Variants in NPR3 observed in about 807,000 individuals in gnomAD.
The protein encoded by NPR3 is atrial natriuretic peptide receptor 3.
Under a neutral mutation model 54.5 loss-of-function variants are expected in NPR3, and 34 were observed. The observed-to-expected ratio is 0.62, with a 90% CI of 0.47 to 0.83. The LOEUF (loss-of-function observed/expected upper bound fraction) is 0.83, where lower values mean the gene tolerates loss of function less well. Ranked by LOEUF, NPR3 falls within the 40% of genes least tolerant of loss-of-function variation. NPR3 has a pLI of 0.00. For synonymous variants in NPR3, 289 were observed against 297.1 expected (o/e 0.97, Z 0.28); for missense variants, 674 against 720.8 (o/e 0.94, Z 0.74).
At chr5:32,720,676 A>G (rs957126713) in intron 1 of NPR3, among the ~76,000 whole-genome samples, 1 of 152,188 alleles carries the variant, frequency 6.6e-6, no homozygotes, top group Non-Finnish European at 1.5e-5. Flanking sequence ...ATGCGACCCA[A>G]AATTAATATT....
At position 32,788,396 on chromosome 5, in the gene NPR3, C is replaced by G. The variant is rs1464192729; in HGVS notation, c.*2051C>G. The G allele has an allele frequency of 1.3e-5, 2 of 152,194 alleles. No homozygotes were observed. The highest frequency in any genetic ancestry group is 4.8e-5 in the African/African-American group (2 of 41,454). 9.4% of individuals were successfully genotyped at this position (152,194 alleles called of 1,614,324 possible). ...CTTGGGACTCCCCAAAGTGAAACAGCAAGGAAGGATTGTGTCCATCTTACT... is the reference window on the plus strand; with the variant it reads ...CTTGGGACTCCCCAAAGTGAAACAGGAAGGAAGGATTGTGTCCATCTTACT... On this transcript the variant is annotated 3_prime_UTR_variant, in exon 8 of 8. Coordinates refer to ENST00000265074, the MANE Select transcript of NPR3 (RefSeq NM_001204375.2).
At chr5:32,722,930 C>T (rs143586251) in intron 1 of NPR3, among the ~76,000 whole-genome samples, 178 of 152,228 alleles carry the variant, frequency 1.2e-3, no homozygotes, top group African/African-American at 4.1e-3. Context: ...AATATTTGTA[C>T]TGTTTTAAAA....
intron 2 of NPR3, among the ~76,000 whole-genome samples, chr5:32,732,089 A>T (rs1739485089): frequency 6.6e-6 from 1 of 151,408 alleles, no homozygotes; most frequent in African/African-American, 2.4e-5. Context: ...AAAATACAGA[A>T]AATTAGCCGG....
At chr5:32,735,308 C>T (rs576168411) in intron 2 of NPR3, among the ~76,000 whole-genome samples, 5 of 152,234 alleles carry the variant, frequency 3.3e-5, no homozygotes, top group Admixed American at 6.5e-5. Context: ...TTCTCTTTGG[C>T]GTCATCTGTG....
intron 1 of NPR3, among the ~76,000 whole-genome samples, chr5:32,701,621 T>C (rs1737801699): frequency 6.6e-6 from 1 of 152,234 alleles, no homozygotes; most frequent in Non-Finnish European, 1.5e-5. Flanking sequence ...TTGTAGTCTT[T>C]GCAGTCTGGG....
rs763937559 is a variant in NPR3 at position 32,780,799 on chromosome 5, G to A, written c.1273G>A (p.Glu425Lys). 1.3e-5 allele frequency: 20 copies of A among 1,576,628 alleles called. No homozygotes were observed. The highest frequency in any genetic ancestry group is 4.4e-5 in the South Asian group (4 of 90,310). Reference protein sequence around the residue: ...DFSVIAMTDVEAGTQEVIGDY... With the variant: ...DFSVIAMTDVKAGTQEVIGDY... Reference sequence around the variant, plus strand: ...CTCTGTGATTGCCATGACTGATGTGGAGGCGGGCACCCAGGAGGTGAGCAC... The same window carrying A: ...CTCTGTGATTGCCATGACTGATGTGAAGGCGGGCACCCAGGAGGTGAGCAC... The change falls in exon 5 of 8, where the codon GAG becomes AAG. Residue 425 changes from glutamate (E) to lysine (K), a missense_variant. Coordinates refer to ENST00000265074, the MANE Select transcript of NPR3 (RefSeq NM_001204375.2).
chr5:32,755,937 C>A (rs573699524), intron 3 of NPR3, among the ~76,000 whole-genome samples: 3 of 152,288 alleles, frequency 2.0e-5, no homozygotes, highest in African/African-American at 7.2e-5. Flanking sequence ...ATGAACTCAT[C>A]ATTTTTTATG....
chr5:32,691,844 A>G (rs1470609361), intron 1 of NPR3, among the ~76,000 whole-genome samples: 1 of 152,256 alleles, frequency 6.6e-6, no homozygotes, highest in Non-Finnish European at 1.5e-5. Flanking sequence ...ACATGTTAGC[A>G]TGTTATGCAG....
intron 4 of NPR3, among the ~76,000 whole-genome samples, chr5:32,778,219 T>G (rs954830389): frequency 6.6e-6 from 1 of 152,184 alleles, no homozygotes; most frequent in Non-Finnish European, 1.5e-5. Context: ...AACTGTGTAG[T>G]TCAGTCTACA....
intron 2 of NPR3, among the ~76,000 whole-genome samples, chr5:32,725,065 T>C (rs1044993858): frequency 6.6e-6 from 1 of 151,760 alleles, no homozygotes; most frequent in African/African-American, 2.4e-5. Context: ...AAGTGGGAGC[T>C]AAACATTGAG....
chr5:32,744,586 G>A (rs952051055), intron 3 of NPR3, among the ~76,000 whole-genome samples: 18 of 152,174 alleles, frequency 1.2e-4, no homozygotes, highest in African/African-American at 4.3e-4. Context: ...TACTTACCGT[G>A]ATGAATACTT....
rs1170568629 is a variant in NPR3 at position 32,738,930 on chromosome 5, A to G, written c.959A>G (p.Gln320Arg). The change falls in exon 3 of 8, where the codon CAG becomes CGG. Residue 320 changes from glutamine to arginine, a missense_variant. By Grantham distance (43) the Gln-to-Arg change is conservative. Transcript: ENST00000265074. ...GCTAAGCAAGCATACTCGTCCCTCC[A>G]GACAGTCACTCTACTGAGGACAGTG... is the stretch of plus-strand genomic sequence containing the variant. Reference protein sequence around the residue: ...FEAKQAYSSLQTVTLLRTVKP... With the variant: ...FEAKQAYSSLRTVTLLRTVKP... The G allele has an allele frequency of 6.8e-6, 11 of 1,613,850 alleles. No homozygotes were observed. Among genetic ancestry groups the G allele is most frequent in the Non-Finnish European group, 9.3e-6 (11 of 1,179,824 alleles).
At position 32,783,039 on chromosome 5, in the gene NPR3, A is replaced by G. The variant is rs751140590; in HGVS notation, c.1426+11A>G. ...CTCCCTGCAAATCATGTAAGTCTGG[A>G]GACTTAATTTGCTATGTATGTCATC... On this transcript the variant is annotated intron_variant, in intron 6 of 7. Transcript: ENST00000265074. 2.5e-6 allele frequency: 4 copies of G among 1,592,498 alleles called. No homozygotes were observed. In the Admixed American group the frequency reaches 7.1e-5, roughly 28 times the overall value.
intron 2 of NPR3, among the ~76,000 whole-genome samples, chr5:32,728,700 A>G (rs700922): frequency 0.028 from 4,180 of 151,334 alleles, 193 homozygotes; most frequent in African/African-American, 0.097. Context: ...TTCTATAATG[A>G]AATAATTTCA....
At chr5:32,719,379 G>A (rs1738727048) in intron 1 of NPR3, among the ~76,000 whole-genome samples, 2 of 152,002 alleles carry the variant, frequency 1.3e-5, no homozygotes, top group African/African-American at 4.8e-5. Context: ...ATTTTGAGAG[G>A]TTTTGTGATT....
intron 3 of NPR3, among the ~76,000 whole-genome samples, chr5:32,759,011 G>C (rs1325274512): frequency 6.6e-6 from 1 of 152,212 alleles, no homozygotes; most frequent in Non-Finnish European, 1.5e-5. Context: ...TCTGAGGAAT[G>C]CTTTACTTCC....
intron 1 of NPR3, among the ~76,000 whole-genome samples, chr5:32,697,471 CT>C (rs1404442791): frequency 7.0e-6 from 1 of 142,898 alleles, no homozygotes; most frequent in Non-Finnish European, 1.5e-5. Context: ...ATGTCTTTTT[CT>C]GGTTTTGGTG....
At chr5:32,739,060 T>C (rs1739904635) in intron 3 of NPR3, 30 bp downstream of exon 3, 5 of 1,600,716 alleles carry the variant, frequency 3.1e-6, no homozygotes, top group Non-Finnish European at 4.3e-6. Flanking sequence ...CCTAGACCTT[T>C]AGCATCCTGA....
intron 3 of NPR3, 61 bp from the exon 4 acceptor site, chr5:32,774,647 T>A: frequency 7.4e-7 from 1 of 1,345,910 alleles, no homozygotes; most frequent in South Asian, 1.2e-5. Context: ...GGATTGCTCA[T>A]CTTATTCCTG....
Sources: gnomAD v4.1 joint callset for allele counts (sites outside exome capture counted in the v4.1 genomes callset) on GRCh38, gnomAD v4.1.1 for gene constraint, MANE v1.5 for transcripts, NCBI Gene and HGNC (gene_info 2026-07-23, HGNC 2026-07-21) for gene names.